RFC1: variants seen among roughly 807,000 people sequenced by gnomAD.
The protein encoded by RFC1 is A1 140 kDa subunit.
A neutral mutation model predicts 137.4 loss-of-function variants in RFC1; 37 were observed. The ratio of observed to expected loss-of-function variants is 0.27; its 90% CI spans 0.21 to 0.35. The LOEUF (loss-of-function observed/expected upper bound fraction) is 0.35, where lower values mean the gene tolerates loss of function less well. Among genes scored for constraint, RFC1 ranks in the 10% least tolerant of loss-of-function variants. The pLI, the probability that RFC1 is intolerant of heterozygous loss-of-function variation, is 1.00. For synonymous variants in RFC1, 429 were observed against 455.7 expected, an observed-to-expected ratio of 0.94 and a Z score of 0.75; for missense variants, 1,205 against 1,358.5, an observed-to-expected ratio of 0.89 and a Z score of 1.78.
intron 3 of RFC1, among the ~76,000 whole-genome samples, chr4:39,344,625 A>T (rs1740759805): frequency 6.6e-6 from 1 of 152,118 alleles, no homozygotes; most frequent in South Asian, 2.1e-4. Flanking sequence ...CATCTCTACT[A>T]AAATTATAAA....
chr4:39,331,456 G>T (rs1189003015), intron 4 of RFC1, among the ~76,000 whole-genome samples: 1 of 152,070 alleles, frequency 6.6e-6, no homozygotes, highest in Non-Finnish European at 1.5e-5. Flanking sequence ...AGAGCAGATT[G>T]TAACAGGGCA....
intron 4 of RFC1, among the ~76,000 whole-genome samples, chr4:39,334,837 G>C (rs1740276954): frequency 6.6e-6 from 1 of 152,156 alleles, no homozygotes; most frequent in African/African-American, 2.4e-5. Flanking sequence ...AAGCAAACTA[G>C]CATTATCACA....
In RFC1 at chr4:39,302,883, C is replaced by A; in HGVS notation, c.2203-9G>T. 6.4e-7 allele frequency: 1 copy of A among 1,571,456 alleles called. No homozygotes were observed. The highest frequency in any genetic ancestry group is 1.2e-5 in the South Asian group (1 of 84,386). On this transcript the variant is annotated splice_polypyrimidine_tract_variant and intron_variant, in intron 16 of 24. Transcript: ENST00000349703. ...ATCAGGCCAATTAATTCCTGAAAGG[C>A]AAGTTTGCAACACAAAAATAATTAT...
intron 14 of RFC1, 50 bp from the exon 15 acceptor site, chr4:39,304,978 C>A (rs748429331): frequency 1.9e-6 from 2 of 1,038,036 alleles, no homozygotes; most frequent in South Asian, 2.5e-5. Context: ...ATTAACTCCA[C>A]CACCCCCGCC....
At chr4:39,326,450 A>AT in intron 6 of RFC1, 113 bp downstream of exon 6, 1 of 694,392 alleles carries the variant, frequency 1.4e-6, no homozygotes, top group Non-Finnish European at 2.4e-6. Flanking sequence ...CATTTATTAG[A>AT]TTTTAACTTA....
rs186589528 is a variant in RFC1 at position 39,349,665 on chromosome 4, A to G, written c.132+1683T>C. ...GGACAAAAGGCATTTAATGAAGACCAATTTTGATACAACACAGATGTCAGA... is the reference window on the plus strand; with the variant it reads ...GGACAAAAGGCATTTAATGAAGACCGATTTTGATACAACACAGATGTCAGA... On this transcript the variant is annotated intron_variant, in intron 2 of 24. Coordinates refer to ENST00000349703, the MANE Select transcript of RFC1 (RefSeq NM_002913.5). Among the ~76,000 whole-genome samples, 54 of 152,338 alleles carry G rather than the reference A, an allele frequency of 3.5e-4. No homozygotes were observed. The Middle Eastern group carries it at 0.02, about 58-fold the overall frequency.
At chr4:39,327,908 A>T (rs1739862247) in intron 4 of RFC1, 152 bp from the exon 5 acceptor site, 1 of 622,740 alleles carries the variant, frequency 1.6e-6, no homozygotes, top group Non-Finnish European at 2.7e-6. Context: ...AAGATAGGAG[A>T]ATCATTTGCG....
intron 1 of RFC1, among the ~76,000 whole-genome samples, chr4:39,365,222 G>A (rs1390063323): frequency 6.8e-6 from 1 of 147,756 alleles, no homozygotes; most frequent in African/African-American, 2.5e-5. Context: ...GAAGATGCTT[G>A]GTACAAGGTA....
intron 9 of RFC1, 152 bp downstream of exon 9, chr4:39,320,231 C>A: frequency 1.7e-6 from 1 of 591,704 alleles, no homozygotes; most frequent in South Asian, 2.6e-5. Context: ...TGCCTGTAAT[C>A]CCAGCTACTT....
At chr4:39,297,793 T>G (rs1289290889) in intron 21 of RFC1, 1 of 152,252 alleles carries the variant, frequency 6.6e-6, no homozygotes, top group Non-Finnish European at 1.5e-5. Flanking sequence ...ACAAGCACTT[T>G]TTCATATTAG....
chr4:39,304,019 C>T (rs994586349), intron 15 of RFC1, among the ~76,000 whole-genome samples: 4 of 152,134 alleles, frequency 2.6e-5, no homozygotes, highest in African/African-American at 7.2e-5. Flanking sequence ...CTGGGCTAGA[C>T]GGTATGTGTA....
Position 39,312,893 on chromosome 4 carries a change from G to A in RFC1, c.1242C>T (p.Ile414=), listed in dbSNP as rs1249722192. 1.2e-6 allele frequency: 2 copies of A among 1,614,024 alleles called. No individual in the cohort carries two copies. The highest frequency in any genetic ancestry group is 1.7e-6 in the Non-Finnish European group (2 of 1,179,986). Reference sequence around the variant, plus strand: ...GTTCAATAGACTCCAGCACGCCTGTGATTACAAATATAAGGCCTTCCAAGC... The same window carrying A: ...GTTCAATAGACTCCAGCACGCCTGTAATTACAAATATAAGGCCTTCCAAGC... ...ENCLEGLIFV[I]TGVLESIERD... is the part of the protein sequence containing the mutation. Residue 414 remains isoleucine (I), a synonymous_variant, in exon 11 of 25, where the codon ATC becomes ATT. Transcript: ENST00000349703.
At chr4:39,364,287 C>G (rs1200853639) in intron 1 of RFC1, among the ~76,000 whole-genome samples, 2 of 149,878 alleles carry the variant, frequency 1.3e-5, no homozygotes, top group Non-Finnish European at 3.0e-5. Flanking sequence ...AAAAGAACTA[C>G]TGTCTTATAA....
chr4:39,299,266 G>A (rs1738207916), intron 21 of RFC1, among the ~76,000 whole-genome samples: 2 of 152,166 alleles, frequency 1.3e-5, no homozygotes, highest in African/African-American at 4.8e-5. Flanking sequence ...CTGGCTTGCT[G>A]TTAATAAATA....
chr4:39,348,444 GAAAA>G (rs1740997650), intron 2 of RFC1, among the ~76,000 whole-genome samples: 4 of 127,426 alleles, frequency 3.1e-5, no homozygotes, highest in Non-Finnish European at 5.2e-5. Context: ...GAAAAGAAAA[GAAAA>G]GAAAAGAAAA....
chr4:39,363,045 A>G (rs767461038), intron 1 of RFC1, among the ~76,000 whole-genome samples: 17 of 152,216 alleles, frequency 1.1e-4, no homozygotes, highest in African/African-American at 4.8e-5. Context: ...TCAGACCACA[A>G]TTTATTTAAA....
intron 1 of RFC1, among the ~76,000 whole-genome samples, chr4:39,356,858 TTC>T (rs1182325691): frequency 6.6e-6 from 1 of 152,228 alleles, no homozygotes; most frequent in African/African-American, 2.4e-5. Flanking sequence ...TCTCAAAAAC[TTC>T]TCTGAGGAAA....
intron 9 of RFC1, among the ~76,000 whole-genome samples, chr4:39,317,599 G>A (rs945000057): frequency 2.0e-5 from 3 of 152,036 alleles, no homozygotes; most frequent in Admixed American, 1.3e-4. Context: ...TACTTCTCTC[G>A]GGGAATTTAC....
intron 2 of RFC1, 76 bp downstream of exon 2, chr4:39,351,272 A>C (rs922006461): frequency 4.4e-6 from 3 of 674,918 alleles, no homozygotes; most frequent in Non-Finnish European, 6.2e-6. Context: ...AAAAAAAAAA[A>C]AAAAAAAAAA....
Sources: allele counts gnomAD v4.1 joint callset (sites outside exome capture counted in the v4.1 genomes callset), GRCh38; gene constraint gnomAD v4.1.1; transcripts MANE v1.5; gene names NCBI Gene and HGNC (gene_info 2026-07-23, HGNC 2026-07-21).